Variants in TMEM132D observed in about 807,000 individuals in gnomAD.
The protein encoded by TMEM132D is transmembrane protein 132D.
A neutral mutation model predicts 62.3 loss-of-function variants in TMEM132D; 21 were observed. The ratio of observed to expected loss-of-function variants is 0.34; its 90% confidence interval spans 0.24 to 0.49. The LOEUF is 0.49. TMEM132D is among the 20% of genes least tolerant of loss of function. The probability of loss-of-function intolerance (pLI) is 0.99; values close to 1 mark genes in which losing one functional copy is unlikely to be tolerated. For synonymous variants in TMEM132D, 621 were observed against 575.6 expected, an observed-to-expected ratio of 1.08 and a Z score of -1.13; for missense variants, 1,346 against 1,402.8, an observed-to-expected ratio of 0.96 and a Z score of 0.65.
chr12:129,870,584 T>C (rs996832004), intron 1 of TMEM132D, among the ~76,000 whole-genome samples: 2 of 152,180 alleles, frequency 1.3e-5, no homozygotes, highest in Non-Finnish European at 2.9e-5. Context: ...CCCCAGAAAC[T>C]GCCCTAGCTA....
Position 129,648,969 on chromosome 12 carries a change from T to C in TMEM132D, c.968+50841A>G, listed in dbSNP as rs138094281. ...CCCCATGTTAAGCACACTTCAGAGT[T>C]CCAACTGACTCCGGAGGGAAGGAAA... On this transcript the variant is annotated intron_variant, in intron 2 of 8. Transcript: ENST00000422113. Among the ~76,000 whole-genome samples the C allele has an allele frequency of 2.6e-3, 393 of 152,278 alleles. 2 individuals carry two copies. Among genetic ancestry groups the C allele is most frequent in the African/African-American group, 8.5e-3 (353 of 41,554 alleles).
chr12:129,183,721 G>A (rs1037816357), intron 5 of TMEM132D, among the ~76,000 whole-genome samples: 15 of 152,224 alleles, frequency 9.9e-5, no homozygotes, highest in African/African-American at 3.4e-4. Flanking sequence ...TCAAAGGGAC[G>A]ATTCTTTGGA....
chr12:129,825,164 C>T lies in TMEM132D; in HGVS notation c.79+78097G>A, dbSNP rs145442798. On this transcript the variant is annotated intron_variant, in intron 1 of 8. Coordinates refer to ENST00000422113, the MANE Select transcript of TMEM132D (RefSeq NM_133448.3). ...AAGTAGCTGGGATTACAGGCACAGG[C>T]CACCCGGGTAATTTTTGTATTTTTT... 4.6e-4 allele frequency among the ~76,000 whole-genome samples: 70 copies of T among 151,556 alleles called. 1 individual carries two copies. The highest frequency in any genetic ancestry group is 1.5e-3 in the African/African-American group (63 of 41,444).
At chr12:129,218,502 G>T (rs940929491) in intron 4 of TMEM132D, among the ~76,000 whole-genome samples, 2 of 151,188 alleles carry the variant, frequency 1.3e-5, no homozygotes, top group African/African-American at 4.8e-5. Flanking sequence ...ATTTACCATG[G>T]TAAGTATTTG....
At chr12:129,239,500 T>C (rs1211709346) in intron 4 of TMEM132D, among the ~76,000 whole-genome samples, 2 of 152,212 alleles carry the variant, frequency 1.3e-5, no homozygotes, top group Non-Finnish European at 2.9e-5. Flanking sequence ...TATGTGCAAG[T>C]TCTAACCCTC....
chr12:129,186,908 GAC>G (rs149159329), intron 5 of TMEM132D, among the ~76,000 whole-genome samples: 4 of 152,254 alleles, frequency 2.6e-5, no homozygotes, highest in African/African-American at 4.8e-5. Flanking sequence ...ATACATTTTA[GAC>G]ACACTATTTT....
intron 4 of TMEM132D, among the ~76,000 whole-genome samples, chr12:129,269,340 T>C (rs1396289744): frequency 1.5e-5 from 2 of 135,994 alleles, no homozygotes; most frequent in Admixed American, 1.7e-4. Context: ...TGCACAGTAC[T>C]TTTTCTGATA....
intron 3 of TMEM132D, among the ~76,000 whole-genome samples, chr12:129,526,422 T>C (rs1398792877): frequency 6.6e-6 from 1 of 152,084 alleles, no homozygotes; most frequent in East Asian, 1.9e-4. Flanking sequence ...GTAGCTGGGA[T>C]TACAGGCATG....
At chr12:129,881,608 AG>A (rs1368130860) in intron 1 of TMEM132D, among the ~76,000 whole-genome samples, 1 of 152,080 alleles carries the variant, frequency 6.6e-6, no homozygotes, top group African/African-American at 2.4e-5. Flanking sequence ...ATGAATCATA[AG>A]GAAGTTATAA....
chr12:129,701,846 C>A (rs1236629102), intron 1 of TMEM132D, among the ~76,000 whole-genome samples: 1 of 152,216 alleles, frequency 6.6e-6, no homozygotes, highest in Admixed American at 6.5e-5. Flanking sequence ...TTCTCAAAGG[C>A]CCACGCAAAC....
chr12:129,756,902 C>T (rs1853789289), intron 1 of TMEM132D, among the ~76,000 whole-genome samples: 1 of 152,166 alleles, frequency 6.6e-6, no homozygotes. Context: ...CCCTGATGTT[C>T]CCTTTTCTGG....
intron 1 of TMEM132D, among the ~76,000 whole-genome samples, chr12:129,736,349 G>C (rs775066308): frequency 6.6e-6 from 1 of 152,140 alleles, no homozygotes; most frequent in Non-Finnish European, 1.5e-5. Context: ...AATACAGCTC[G>C]TGGAGAGAAA....
intron 1 of TMEM132D, among the ~76,000 whole-genome samples, chr12:129,799,878 A>G (rs1328886713): frequency 1.3e-5 from 2 of 152,108 alleles, no homozygotes; most frequent in Admixed American, 6.5e-5. Flanking sequence ...GCCTGGGGGC[A>G]CAGGCTGCCC....
At chr12:129,391,578 T>A (rs1479186324) in intron 3 of TMEM132D, among the ~76,000 whole-genome samples, 1 of 152,214 alleles carries the variant, frequency 6.6e-6, no homozygotes, top group Admixed American at 6.5e-5. Context: ...CCCCCCGCCC[T>A]GTGGACTAAG....
chr12:129,885,558 A>G (rs539167647), intron 1 of TMEM132D, among the ~76,000 whole-genome samples: 1 of 152,348 alleles, frequency 6.6e-6, no homozygotes, highest in East Asian at 1.9e-4. Context: ...AATGATTCTA[A>G]TGTGTACCCA....
At chr12:129,531,508 C>G (rs1876225692) in intron 2 of TMEM132D, among the ~76,000 whole-genome samples, 1 of 151,750 alleles carries the variant, frequency 6.6e-6, no homozygotes. Context: ...AAGCCAAACA[C>G]AAACACAGAA....
intron 5 of TMEM132D, among the ~76,000 whole-genome samples, chr12:129,178,518 T>G (rs560838423): frequency 2.0e-5 from 3 of 151,956 alleles, no homozygotes; most frequent in Non-Finnish European, 4.4e-5. Flanking sequence ...GATTTCCATT[T>G]CTCTAATGGA....
At chr12:129,335,284 A>C (rs1461600414) in intron 4 of TMEM132D, among the ~76,000 whole-genome samples, 2 of 151,908 alleles carry the variant, frequency 1.3e-5, no homozygotes, top group East Asian at 3.9e-4. Flanking sequence ...GGCATGTGCC[A>C]TCACACCTGG....
intron 2 of TMEM132D, among the ~76,000 whole-genome samples, chr12:129,580,581 G>A (rs1877821274): frequency 1.3e-5 from 2 of 152,118 alleles, no homozygotes; most frequent in African/African-American, 4.8e-5. Flanking sequence ...GCATGCACCT[G>A]TAGACCCAGC....
Sources: gnomAD v4.1 joint callset for allele counts (sites outside exome capture counted in the v4.1 genomes callset) on GRCh38, gnomAD v4.1.1 for gene constraint, MANE v1.5 for transcripts, NCBI Gene and HGNC (gene_info 2026-07-23, HGNC 2026-07-21) for gene names.